SGPP2: variants seen among roughly 807,000 people sequenced by gnomAD.
SGPP2 encodes the protein sphingosine 1-phosphate phosphohydrolase 2.
Under a neutral mutation model 33.9 loss-of-function variants are expected in SGPP2, and 30 were observed. That is an observed-to-expected ratio of 0.89 (90% confidence interval 0.66 to 1.20). SGPP2 has a LOEUF of 1.20. Ranked by LOEUF, SGPP2 falls within the 50% of genes most tolerant of loss-of-function variation. SGPP2 has a pLI of 0.00. For missense variants in SGPP2, 458 were observed against 532.1 expected, an observed-to-expected ratio of 0.86 and a Z score of 1.37; for synonymous variants, 233 against 225.0, an observed-to-expected ratio of 1.04 and a Z score of -0.32.
At chr2:222,449,370 T>A (rs916023531) in intron 1 of SGPP2, among the ~76,000 whole-genome samples, 1 of 152,160 alleles carries the variant, frequency 6.6e-6, no homozygotes, top group Non-Finnish European at 1.5e-5. Context: ...AAAGCCCACC[T>A]GGGCCAGGTG....
At position 222,492,508 on chromosome 2, in the gene SGPP2, C is replaced by T. The variant is rs111448160; in HGVS notation, c.378+17782C>T. Among the ~76,000 whole-genome samples, 198 of 152,340 alleles carry T rather than the reference C, an allele frequency of 1.3e-3. 2 individuals carry two copies. Among genetic ancestry groups the T allele is most frequent in the African/African-American group, 4.5e-3 (188 of 41,582 alleles). ...CTGAATCAGCGGGGACACAGGGCAC[C>T]AAATCCTGAGGCTGCATAGAACAGG... On this transcript the variant is annotated intron_variant, in intron 2 of 4. Coordinates refer to ENST00000321276, the MANE Select transcript of SGPP2 (RefSeq NM_152386.4).
At chr2:222,425,197 C>G (rs1372281825) in intron 1 of SGPP2, among the ~76,000 whole-genome samples, 1 of 152,148 alleles carries the variant, frequency 6.6e-6, no homozygotes, top group African/African-American at 2.4e-5. Flanking sequence ...AGACTCCCCC[C>G]CACCCCCGTA....
At chr2:222,536,377 C>G (rs1216474332) in intron 4 of SGPP2, among the ~76,000 whole-genome samples, 1 of 152,134 alleles carries the variant, frequency 6.6e-6, no homozygotes, top group Non-Finnish European at 1.5e-5. Context: ...ATGTTTACAT[C>G]ATTGTTTTAA....
At chr2:222,505,326 C>T (rs907402844) in intron 2 of SGPP2, among the ~76,000 whole-genome samples, 2 of 152,086 alleles carry the variant, frequency 1.3e-5, no homozygotes, top group Non-Finnish European at 2.9e-5. Flanking sequence ...TCCCAAAGTG[C>T]CCAGTATGTG....
intron 1 of SGPP2, among the ~76,000 whole-genome samples, chr2:222,427,677 C>G (rs953397240): frequency 6.6e-6 from 1 of 152,178 alleles, no homozygotes; most frequent in African/African-American, 2.4e-5. Context: ...ATTTAGGACC[C>G]TTCAAACAAT....
At chr2:222,541,949 G>A (rs1482698397) in intron 4 of SGPP2, among the ~76,000 whole-genome samples, 1 of 152,100 alleles carries the variant, frequency 6.6e-6, no homozygotes, top group Non-Finnish European at 1.5e-5. Context: ...CCTGTGGTGT[G>A]CATAGAGAAA....
intron 1 of SGPP2, among the ~76,000 whole-genome samples, chr2:222,453,840 C>T (rs111641478): frequency 5.3e-5 from 8 of 152,268 alleles, no homozygotes; most frequent in Non-Finnish European, 1.2e-4. Flanking sequence ...GGGGTCAGCA[C>T]CCCTAACCCG....
rs1281504343 is a variant in SGPP2, at chr2:222,460,351, G to A, written c.220-14217G>A. On this transcript the variant is annotated intron_variant, in intron 1 of 4. Coordinates refer to ENST00000321276, the MANE Select transcript of SGPP2 (RefSeq NM_152386.4). The surrounding 1 kb of genome is among the most constrained non-coding windows in gnomAD (Gnocchi z 4.3). ...TTCAGATGTGAGGTGGGAGCGCAGG[G>A]AGGCTCCAGTGGGGCTGCTGGGCTG... 6.6e-6 allele frequency among the ~76,000 whole-genome samples: 1 copy of A among 152,170 alleles called. No homozygotes were observed. The highest frequency in any genetic ancestry group is 1.5e-5 in the Non-Finnish European group (1 of 68,024).
rs574799008 is a variant in SGPP2, at chr2:222,429,827, C to T, written c.219+5006C>T. 9.8e-5 allele frequency among the ~76,000 whole-genome samples: 15 copies of T among 152,338 alleles called. No individual in the cohort carries two copies. The South Asian group carries it at 3.1e-3, about 32-fold the overall frequency. ...TAATAGCTACTACCGAATTGCCCTA[C>T]AGGAAGAGTCTGCTAGGGCAAACCA... On this transcript the variant is annotated intron_variant, in intron 1 of 4. Coordinates refer to ENST00000321276, the MANE Select transcript of SGPP2 (RefSeq NM_152386.4).
intron 4 of SGPP2, 49 bp from the exon 5 acceptor site, chr2:222,558,298 C>T: frequency 5.7e-6 from 9 of 1,578,368 alleles, no homozygotes; most frequent in Non-Finnish European, 7.8e-6. Context: ...TACCTGTATA[C>T]AAGGAAACAC....
chr2:222,443,126 C>T (rs879479025), intron 1 of SGPP2, among the ~76,000 whole-genome samples: 1 of 152,188 alleles, frequency 6.6e-6, no homozygotes, highest in Non-Finnish European at 1.5e-5. Context: ...TGGCCATTGT[C>T]TGGTGAAGTA....
At chr2:222,428,744 T>C (rs1411985963) in intron 1 of SGPP2, among the ~76,000 whole-genome samples, 1 of 151,250 alleles carries the variant, frequency 6.6e-6, no homozygotes, top group African/African-American at 2.4e-5. Flanking sequence ...GGTTGTCCCA[T>C]CTGCAGAATG....
chr2:222,526,306 T>C (rs536181136), intron 4 of SGPP2, among the ~76,000 whole-genome samples: 35 of 152,278 alleles, frequency 2.3e-4, no homozygotes, highest in Admixed American at 2.0e-3. Context: ...CTGACCTGGG[T>C]GCTGCCTGGG....
At chr2:222,457,064 C>T (rs115722431) in intron 1 of SGPP2, among the ~76,000 whole-genome samples, 256 of 152,174 alleles carry the variant, frequency 1.7e-3, no homozygotes, top group African/African-American at 5.9e-3. Context: ...ATCTTCAGAG[C>T]CTTGCATTTT....
At chr2:222,439,945 G>C (rs549093758) in intron 1 of SGPP2, among the ~76,000 whole-genome samples, 107 of 152,268 alleles carry the variant, frequency 7.0e-4, no homozygotes, top group African/African-American at 2.3e-3. Flanking sequence ...TATGTAAGAA[G>C]GAAGTATTGG....
At chr2:222,502,325 T>G (rs910376857) in intron 2 of SGPP2, among the ~76,000 whole-genome samples, 9 of 152,226 alleles carry the variant, frequency 5.9e-5, no homozygotes, top group African/African-American at 7.2e-5. Context: ...GCCAGGATCC[T>G]TTGAAGGTAA....
chr2:222,539,509 C>T (rs1368999424), intron 4 of SGPP2, among the ~76,000 whole-genome samples: 4 of 152,232 alleles, frequency 2.6e-5, no homozygotes, highest in African/African-American at 9.6e-5. Context: ...AGATCTCCGT[C>T]TTCCACCTCC....
intron 3 of SGPP2, among the ~76,000 whole-genome samples, chr2:222,522,901 T>G (rs1455651479): frequency 6.6e-6 from 1 of 152,230 alleles, no homozygotes; most frequent in Non-Finnish European, 1.5e-5. Context: ...CAGGCTGGTC[T>G]TGAACTCCTG....
At chr2:222,497,578 A>G (rs1698301913) in intron 2 of SGPP2, among the ~76,000 whole-genome samples, 1 of 152,186 alleles carries the variant, frequency 6.6e-6, no homozygotes, top group Non-Finnish European at 1.5e-5. Flanking sequence ...ATTGGTGAGC[A>G]ACAACCTTTA....
Sources: allele counts gnomAD v4.1 joint callset (sites outside exome capture counted in the v4.1 genomes callset), GRCh38; gene constraint gnomAD v4.1.1; non-coding constraint Gnocchi (gnomAD v3.1); transcripts MANE v1.5; gene names NCBI Gene and HGNC (gene_info 2026-07-23, HGNC 2026-07-21).